PIEZO2: variants seen among roughly 807,000 people sequenced by gnomAD.
PIEZO2 encodes piezo-type mechanosensitive ion channel component 2.
PIEZO2 carries 172 observed loss-of-function variants against 337.3 expected under a neutral mutation model. That is an observed-to-expected ratio of 0.51 (90% CI 0.45 to 0.58). PIEZO2 has a LOEUF of 0.58. Among genes scored for constraint, PIEZO2 ranks in the 20% least tolerant of loss-of-function variants. PIEZO2 has a pLI of 0.00. For synonymous variants in PIEZO2, 1,251 were observed against 1,228.5 expected, an observed-to-expected ratio of 1.02 and a Z score of -0.38; for missense variants, 3,028 against 3,391.3, an observed-to-expected ratio of 0.89 and a Z score of 2.66.
At chr18:11,053,889 T>C (rs1598888313) in intron 2 of PIEZO2, among the ~76,000 whole-genome samples, 1 of 151,176 alleles carries the variant, frequency 6.6e-6, no homozygotes, top group Admixed American at 6.6e-5. Context: ...CCAGGGGTGG[T>C]GGTGCATCCC....
At chr18:10,902,759 G>A (rs62085197) in intron 4 of PIEZO2, among the ~76,000 whole-genome samples, 6,995 of 152,230 alleles carry the variant, frequency 0.046, 264 homozygotes, top group Middle Eastern at 0.095. Context: ...GTTTTCCAAA[G>A]TGCAGACCCT....
In PIEZO2 at chr18:10,914,063, C is replaced by T. The variant is rs1350282112; in HGVS notation, c.287-2835G>A. Among the ~76,000 whole-genome samples, 7 of 152,232 alleles carry T rather than the reference C, an allele frequency of 4.6e-5. No individual in the cohort carries two copies. In the East Asian group the frequency reaches 5.8e-4, roughly 13 times the overall value. ...GACATGTCCAGATCCTTTGGCACCA[C>T]GAATATTTCTGGCAGCCCATTATTC... On this transcript the variant is annotated intron_variant, in intron 3 of 55. Transcript: ENST00000674853.
intron 11 of PIEZO2, among the ~76,000 whole-genome samples, chr18:10,799,386 G>C (rs1052065206): frequency 6.6e-6 from 1 of 152,250 alleles, no homozygotes; most frequent in East Asian, 1.9e-4. Context: ...CTGTTTTGTA[G>C]AGGTGAGGGA....
intron 1 of PIEZO2, among the ~76,000 whole-genome samples, chr18:11,108,657 G>T (rs1244417394): frequency 2.8e-5 from 4 of 142,268 alleles, no homozygotes; most frequent in African/African-American, 7.7e-5. Flanking sequence ...AGCTGACATT[G>T]ATTTCACAGT....
At chr18:10,981,035 T>G (rs145244089) in intron 2 of PIEZO2, among the ~76,000 whole-genome samples, 57 of 152,258 alleles carry the variant, frequency 3.7e-4, no homozygotes, top group African/African-American at 1.3e-3. Context: ...CCCATGATGT[T>G]CTCTTCCTGA....
At position 10,962,137 on chromosome 18, in the gene PIEZO2, T is replaced by C. The variant is rs1202300630; in HGVS notation, c.286+17398A>G. Reference sequence around the variant, plus strand: ...ACAAATTCTTTATGTTGTGAGATTCTACTGATCCTCAAAACTGCCACTGAA... The same window carrying C: ...ACAAATTCTTTATGTTGTGAGATTCCACTGATCCTCAAAACTGCCACTGAA... On this transcript the variant is annotated intron_variant, in intron 3 of 55. Transcript: ENST00000674853. The surrounding 1 kb of genome is among the most constrained non-coding windows in gnomAD (Gnocchi z 4.1). Among the ~76,000 whole-genome samples the C allele has an allele frequency of 1.3e-5, 2 of 152,336 alleles. No homozygotes were observed. The highest frequency in any genetic ancestry group is 2.9e-5 in the Non-Finnish European group (2 of 68,026).
intron 2 of PIEZO2, among the ~76,000 whole-genome samples, chr18:11,034,177 G>A (rs2036839233): frequency 7.3e-6 from 1 of 136,862 alleles, no homozygotes; most frequent in South Asian, 2.1e-4. Flanking sequence ...AAATAGTTCA[G>A]TCAGAAGTTT....
chr18:10,811,111 C>T (rs960127235), intron 7 of PIEZO2, among the ~76,000 whole-genome samples: 2 of 152,192 alleles, frequency 1.3e-5, no homozygotes, highest in African/African-American at 2.4e-5. Flanking sequence ...TACCCTGAAG[C>T]CATTTCCCAG....
Position 10,935,014 on chromosome 18 carries a change from G to C in PIEZO2, c.287-23786C>G, listed in dbSNP as rs530388823. 1.6e-4 allele frequency among the ~76,000 whole-genome samples: 25 copies of C among 152,196 alleles called. No homozygotes were observed. In the South Asian group the frequency reaches 5.0e-3, roughly 30 times the overall value. On this transcript the variant is annotated intron_variant, in intron 3 of 55. Transcript: ENST00000674853. ...CAGAAAAGCCAGGATTCTCACACAG[G>C]CCACCTGGCTGTGATGTCTGTGCTC...
intron 3 of PIEZO2, among the ~76,000 whole-genome samples, chr18:10,955,492 T>C (rs532898406): frequency 6.6e-6 from 1 of 152,350 alleles, no homozygotes; most frequent in African/African-American, 2.4e-5. Flanking sequence ...TTCAATCTGC[T>C]TATTATAACA....
chr18:10,945,481 A>C lies in PIEZO2; in HGVS notation c.286+34054T>G, dbSNP rs762747768. On this transcript the variant is annotated intron_variant, in intron 3 of 55. Transcript: ENST00000674853. This position sits in a 1 kb window ranked among gnomAD's most constrained non-coding sequence, Gnocchi z 4.0. ...TGGGGAAAAATGCCCATGGATTGAA[A>C]TTGGTCTGGTCTTGCCTCACAAATG... 2.0e-5 allele frequency among the ~76,000 whole-genome samples: 3 copies of C among 152,252 alleles called. No homozygotes were observed. Among genetic ancestry groups the C allele is most frequent in the Non-Finnish European group, 2.9e-5 (2 of 68,048 alleles).
At chr18:10,829,964 C>T (rs1026923644) in intron 7 of PIEZO2, among the ~76,000 whole-genome samples, 4 of 149,420 alleles carry the variant, frequency 2.7e-5, no homozygotes, top group African/African-American at 9.8e-5. Context: ...TTATATGGAA[C>T]CACAAAAGAC....
chr18:11,105,238 T>C lies in PIEZO2; in HGVS notation c.65-39016A>G, dbSNP rs1319016341. On this transcript the variant is annotated intron_variant, in intron 1 of 55. Transcript: ENST00000674853. The surrounding 1 kb of genome is among the most constrained non-coding windows in gnomAD (Gnocchi z 4.3). ...TTCTGAAACTTGCAACCAAAAAGAG[T>C]TACACGCCCAAAGACTGCAAACCAA... Among the ~76,000 whole-genome samples, 2 of 151,864 alleles carry C rather than the reference T, an allele frequency of 1.3e-5. No individual in the cohort carries two copies. The highest frequency in any genetic ancestry group is 2.9e-5 in the Non-Finnish European group (2 of 67,976).
rs1233627106 is a variant in PIEZO2, at chr18:10,917,457, C to T, written c.287-6229G>A. 5.9e-5 allele frequency among the ~76,000 whole-genome samples: 9 copies of T among 152,114 alleles called. 1 individual carries two copies. On this transcript the variant is annotated intron_variant, in intron 3 of 55. Coordinates refer to ENST00000674853, the MANE Select transcript of PIEZO2 (RefSeq NM_001378183.1). ...CTTCATATTGTAAATTCATTATTCA[C>T]TTGGTCATCATGTTTCTTCATTGAT...
rs1380987499 is a variant in PIEZO2 at position 11,078,160 on chromosome 18, TAC to T, written c.65-11940_65-11939del. ...CACACACACTCACCACACACACACA[TAC>T]ACACACCACACACACATACACACAC... On this transcript the variant is annotated intron_variant, in intron 1 of 55. Transcript: ENST00000674853. The surrounding 1 kb of genome is among the most constrained non-coding windows in gnomAD (Gnocchi z 5.3). Among the ~76,000 whole-genome samples, 1 of 149,762 alleles carries T rather than the reference TAC, an allele frequency of 6.7e-6. No homozygotes were observed. Among genetic ancestry groups the T allele is most frequent in the African/African-American group, 2.5e-5 (1 of 40,592 alleles).
chr18:11,091,580 T>C (rs2039093005), intron 1 of PIEZO2, among the ~76,000 whole-genome samples: 1 of 152,124 alleles, frequency 6.6e-6, no homozygotes, highest in South Asian at 2.1e-4. Context: ...AAACGTCATT[T>C]GGTGTGATTC....
At position 10,705,484 on chromosome 18, in the gene PIEZO2, C is replaced by T. The variant is rs770251243; in HGVS notation, c.5851G>A (p.Glu1951Lys). The stretch of plus-strand genomic sequence containing the variant: ...TCCTGCGAGCCGAAGGACAGATGCT[C>T]GAAGCTCACAGCCTTGCTGTAGGAG... ...PPSYSKAVSF[E>K]HLSFGSQDDS... is the part of the protein sequence containing the mutation. Residue 1951 changes from glutamate to lysine, a missense_variant, in exon 41 of 56, where the codon GAG becomes AAG. Around this residue, in one of 5 missense-constraint regions of PIEZO2, gnomAD observed 1,925 missense variants for 2,051.9 expected, o/e 0.94. Transcript: ENST00000674853. The T allele has an allele frequency of 8.5e-6, 13 of 1,537,118 alleles. No individual in the cohort carries two copies. The highest frequency in any genetic ancestry group is 2.0e-5 in the Admixed American group (1 of 50,986).
In PIEZO2 at chr18:10,673,191, A is replaced by T. The variant is rs988638299; in HGVS notation, c.8162-318T>A. Among the ~76,000 whole-genome samples the T allele has an allele frequency of 1.3e-5, 2 of 152,242 alleles. No individual in the cohort carries two copies. The highest frequency in any genetic ancestry group is 2.9e-5 in the Non-Finnish European group (2 of 68,044). On this transcript the variant is annotated intron_variant, in intron 54 of 55. Transcript: ENST00000674853. The surrounding 1 kb of genome is among the most constrained non-coding windows in gnomAD (Gnocchi z 4.8). ...CCCAAATGACTCTGTAGACATTTAA[A>T]AACCCAAATTTCTGACTTGTGATCA...
At position 11,038,232 on chromosome 18, in the gene PIEZO2, C is replaced by T. The variant is rs1294141490; in HGVS notation, c.160+27895G>A. On this transcript the variant is annotated intron_variant, in intron 2 of 55. Transcript: ENST00000674853. The surrounding 1 kb of genome is among the most constrained non-coding windows in gnomAD (Gnocchi z 4.1). ...AGTAACACAGCCATAAAAATCATAC[C>T]ACCCGTTCACATATAATTCATCATA... is the stretch of plus-strand genomic sequence containing the variant. Among the ~76,000 whole-genome samples, 2 of 152,104 alleles carry T rather than the reference C, an allele frequency of 1.3e-5. No homozygotes were observed. The highest frequency in any genetic ancestry group is 4.8e-5 in the African/African-American group (2 of 41,424).
Sources: gnomAD v4.1 joint callset for allele counts (sites outside exome capture counted in the v4.1 genomes callset) on GRCh38, gnomAD v4.1.1 for gene constraint, gnomAD v4.1.1 regional missense constraint, Gnocchi (gnomAD v3.1) non-coding constraint, MANE v1.5 for transcripts, NCBI Gene and HGNC (gene_info 2026-07-23, HGNC 2026-07-21) for gene names.